GLYR1: variants seen among roughly 807,000 people sequenced by gnomAD.
GLYR1 encodes the protein cytokine-like nuclear factor N-PAC.
Under a neutral mutation model 72.7 loss-of-function variants are expected in GLYR1, and 21 were observed. The observed-to-expected ratio is 0.29, with a 90% CI of 0.20 to 0.42. GLYR1 has a LOEUF of 0.42. Ranked by LOEUF, GLYR1 falls within the 10% of genes least tolerant of loss-of-function variation. GLYR1 has a pLI of 1.00. For synonymous variants in GLYR1, 392 were observed against 270.2 expected (o/e 1.45, Z -4.42); for missense variants, 594 against 712.1 (o/e 0.83, Z 1.89).
chr16:4,821,504 C>T, intron 8 of GLYR1, 43 bp downstream of exon 8: 3 of 1,613,832 alleles, frequency 1.9e-6, no homozygotes, highest in South Asian at 1.1e-5. Context: ...CAGTTTAAGG[C>T]CCCAGGTGAA....
At chr16:4,828,120 G>A (rs1439198315) in intron 5 of GLYR1, among the ~76,000 whole-genome samples, 2 of 151,234 alleles carry the variant, frequency 1.3e-5, no homozygotes, top group Non-Finnish European at 2.9e-5. Flanking sequence ...CCCAGGCTGG[G>A]GTGCAGTGGC....
At position 4,822,914 on chromosome 16, in the gene GLYR1, A is replaced by C. The variant is rs1281124563; in HGVS notation, c.642T>G (p.Asp214Glu). The C allele has an allele frequency of 6.8e-6, 11 of 1,614,052 alleles. No individual in the cohort carries two copies. Among genetic ancestry groups the C allele is most frequent in the Non-Finnish European group, 9.3e-6 (11 of 1,179,986 alleles). ...TTAGCAGGAAATGATGGAAATGAGGATCTGCATCTTTAACAGGCTGAAACC... is the reference window on the plus strand; with the variant it reads ...TTAGCAGGAAATGATGGAAATGAGGCTCTGCATCTTTAACAGGCTGAAACC... ...PTASEPVKDADPHFHHFLLSQ... is the reference protein window; with the variant it reads ...PTASEPVKDAEPHFHHFLLSQ... The change falls in exon 7 of 16, where the codon GAT becomes GAG. Residue 214 changes from aspartate to glutamate, a missense_variant. This residue lies in a region of GLYR1 where 252 missense variants were observed against 211.3 expected (regional missense o/e 1.19). Coordinates refer to ENST00000321919, the MANE Select transcript of GLYR1 (RefSeq NM_032569.4).
intron 5 of GLYR1, among the ~76,000 whole-genome samples, chr16:4,830,045 C>T (rs1455480950): frequency 1.3e-5 from 2 of 152,014 alleles, no homozygotes; most frequent in Non-Finnish European, 2.9e-5. Flanking sequence ...CTCAGGGGAT[C>T]CTCCTGCACT....
At chr16:4,819,558 G>A (rs2083879972) in intron 9 of GLYR1, among the ~76,000 whole-genome samples, 1 of 152,240 alleles carries the variant, frequency 6.6e-6, no homozygotes, top group Non-Finnish European at 1.5e-5. Flanking sequence ...GGATCCTTCT[G>A]CTTTGGTCTC....
intron 15 of GLYR1, 86 bp downstream of exon 15, chr16:4,811,084 G>A: frequency 2.0e-6 from 3 of 1,504,112 alleles, no homozygotes; most frequent in Non-Finnish European, 2.7e-6. Context: ...TAGCCTGGGT[G>A]ACAGAGTGAG....
chr16:4,809,831 T>A (rs150490872), intron 15 of GLYR1, among the ~76,000 whole-genome samples: 253 of 148,934 alleles, frequency 1.7e-3, no homozygotes, highest in African/African-American at 6.0e-3. Flanking sequence ...GGCTGAGGCA[T>A]GAGAATCGCT....
rs1051853617 is a variant in GLYR1 at position 4,837,159 on chromosome 16, C to T, written c.156-4247G>A. ...AAATGAAAATCATACATGTAGGGCC[C>T]GGTGCGGTGGCTCATGCCTGAATCC... On this transcript the variant is annotated intron_variant, in intron 3 of 15. Transcript: ENST00000321919. Among the ~76,000 whole-genome samples the T allele has an allele frequency of 4.6e-5, 7 of 152,288 alleles. No homozygotes were observed. The South Asian group carries it at 6.2e-4, about 14-fold the overall frequency.
chr16:4,843,762 T>C (rs1347445821), intron 3 of GLYR1: 4 of 576,162 alleles, frequency 6.9e-6, no homozygotes, highest in Non-Finnish European at 9.9e-6. Flanking sequence ...TAAGGCTGTA[T>C]TTTCCTATAA....
At chr16:4,838,706 C>A (rs2085328239) in intron 3 of GLYR1, among the ~76,000 whole-genome samples, 1 of 151,996 alleles carries the variant, frequency 6.6e-6, no homozygotes, top group South Asian at 2.1e-4. Flanking sequence ...CCTGCCTCAG[C>A]CACCCGAGTA....
intron 10 of GLYR1, among the ~76,000 whole-genome samples, chr16:4,815,835 G>T (rs976236376): frequency 6.6e-6 from 1 of 151,790 alleles, no homozygotes. Flanking sequence ...AGGATGGAGT[G>T]CAGTGGCACG....
At chr16:4,812,314 G>A in intron 12 of GLYR1, 66 bp from the exon 13 acceptor site, 1 of 1,538,294 alleles carries the variant, frequency 6.5e-7, no homozygotes, top group Non-Finnish European at 8.7e-7. Flanking sequence ...CAGGACTCAA[G>A]GAGTGTTGCT....
chr16:4,813,927 G>T, intron 11 of GLYR1, 89 bp from the exon 12 acceptor site: 3 of 996,650 alleles, frequency 3.0e-6, no homozygotes, highest in Non-Finnish European at 4.3e-6. Context: ...TCCTGCTGCT[G>T]TTTTGGCTCA....
At chr16:4,819,167 T>TTTTA (rs770979178) in intron 9 of GLYR1, among the ~76,000 whole-genome samples, 4 of 152,094 alleles carry the variant, frequency 2.6e-5, no homozygotes, top group African/African-American at 4.8e-5. Flanking sequence ...AGTTTTTAAT[T>TTTTA]TTTATTTATT....
chr16:4,809,583 G>C (rs2083206998), intron 15 of GLYR1, among the ~76,000 whole-genome samples: 1 of 147,024 alleles, frequency 6.8e-6, no homozygotes, highest in African/African-American at 2.5e-5. Context: ...CTGTACTCCA[G>C]CTTGGGTGAC....
intron 7 of GLYR1, 108 bp downstream of exon 7, chr16:4,822,767 A>T (rs2084121226): frequency 1.1e-6 from 1 of 895,598 alleles, no homozygotes; most frequent in Non-Finnish European, 1.9e-6. Flanking sequence ...TGCTCTGGGC[A>T]ATACACCGGC....
At position 4,813,856 on chromosome 16, in the gene GLYR1, A is replaced by C. The variant is rs1278564130; in HGVS notation, c.1018-18T>G. 1 of 1,594,674 alleles carries C rather than the reference A, an allele frequency of 6.3e-7. No individual in the cohort carries two copies. The highest frequency in any genetic ancestry group is 1.7e-5 in the Admixed American group (1 of 58,644). On this transcript the variant is annotated intron_variant, in intron 11 of 15. Transcript: ENST00000321919. ...AGCACCAGCTGTGGGGACACAAGGG[A>C]GAAGCAATAGCCCAGGCTCCCGGGC...
At chr16:4,808,993 G>A (rs959952373) in intron 15 of GLYR1, among the ~76,000 whole-genome samples, 7 of 151,994 alleles carry the variant, frequency 4.6e-5, no homozygotes, top group Non-Finnish European at 7.4e-5. Flanking sequence ...CGTGTTAAGT[G>A]CTTAAAACAT....
chr16:4,827,452 A>G (rs543437018), intron 5 of GLYR1, among the ~76,000 whole-genome samples: 67 of 152,222 alleles, frequency 4.4e-4, no homozygotes, highest in African/African-American at 1.6e-3. Context: ...TCCTTTCACT[A>G]TGGGCCAGGT....
At chr16:4,844,673 A>T (rs1388383429) in intron 3 of GLYR1, among the ~76,000 whole-genome samples, 1 of 152,162 alleles carries the variant, frequency 6.6e-6, no homozygotes, top group Non-Finnish European at 1.5e-5. Context: ...AGGTGAGAGA[A>T]CCGCTTGAGT....
Sources: gnomAD v4.1 joint callset for allele counts (sites outside exome capture counted in the v4.1 genomes callset) on GRCh38, gnomAD v4.1.1 for gene constraint, gnomAD v4.1.1 regional missense constraint, MANE v1.5 for transcripts, NCBI Gene and HGNC (gene_info 2026-07-23, HGNC 2026-07-21) for gene names.